Variants in EPHB2 observed in about 807,000 individuals in gnomAD.
The protein encoded by EPHB2 is ephrin type-B receptor 2.
EPHB2 carries 18 observed loss-of-function variants against 96.4 expected under a neutral mutation model. That is an observed-to-expected ratio of 0.19 (90% CI 0.13 to 0.28). EPHB2 has a LOEUF of 0.28. Ranked by LOEUF, EPHB2 falls within the 10% of genes least tolerant of loss-of-function variation. EPHB2 has a pLI of 1.00. For synonymous variants in EPHB2, 506 were observed against 534.1 expected (o/e 0.95, Z 0.72); for missense variants, 989 against 1,355.4 (o/e 0.73, Z 4.25).
chr1:22,905,899 T>C (rs112751034), intron 9 of EPHB2, 88 bp from the exon 10 acceptor site: 10 of 1,605,670 alleles, frequency 6.2e-6, no homozygotes, highest in Non-Finnish European at 8.5e-6. Flanking sequence ...GGAGTGGATT[T>C]CCCTCCACGG....
rs1023090212 is a variant in EPHB2, at chr1:22,846,037, G to A, written c.812-17000G>A. On this transcript the variant is annotated intron_variant, in intron 3 of 15. Transcript: ENST00000374630. The surrounding 1 kb of genome is among the most constrained non-coding windows in gnomAD (Gnocchi z 4.3). ...AGCCATTTGGCCCTGGGAAAGTTTG[G>A]GATCAGTTAGACCCTAAGGATCCCT... Among the ~76,000 whole-genome samples the A allele has an allele frequency of 6.6e-6, 1 of 152,132 alleles. No individual in the cohort carries two copies. The highest frequency in any genetic ancestry group is 2.4e-5 in the African/African-American group (1 of 41,418).
chr1:22,769,143 G>T (rs1644345577), intron 1 of EPHB2, among the ~76,000 whole-genome samples: 1 of 152,156 alleles, frequency 6.6e-6, no homozygotes, highest in Non-Finnish European at 1.5e-5. Flanking sequence ...TATCCATAAT[G>T]TGATATGGAC....
chr1:22,772,336 CAA>C (rs1003160575), intron 1 of EPHB2, among the ~76,000 whole-genome samples: 13 of 152,272 alleles, frequency 8.5e-5, no homozygotes, highest in African/African-American at 2.6e-4. Flanking sequence ...CCTGAGAAAA[CAA>C]GAGCAGGCTC....
intron 1 of EPHB2, among the ~76,000 whole-genome samples, chr1:22,726,907 A>G (rs558392186): frequency 1.3e-5 from 2 of 152,300 alleles, no homozygotes; most frequent in East Asian, 1.9e-4. Flanking sequence ...ATTTTGATAC[A>G]TAGTAGATGG....
At chr1:22,785,114 A>G (rs752763778) in intron 3 of EPHB2, 38 bp downstream of exon 3, 3 of 1,612,004 alleles carry the variant, frequency 1.9e-6, no homozygotes, top group Non-Finnish European at 8.5e-7. Flanking sequence ...CTGCAAATGC[A>G]TAGAACTGGT....
At chr1:22,789,862 C>T (rs1168191401) in intron 3 of EPHB2, among the ~76,000 whole-genome samples, 1 of 152,122 alleles carries the variant, frequency 6.6e-6, no homozygotes, top group Admixed American at 6.5e-5. Flanking sequence ...TATCATTGAG[C>T]TGATGGGCCT....
At chr1:22,909,574 G>A (rs1019478513) in intron 13 of EPHB2, among the ~76,000 whole-genome samples, 2 of 152,214 alleles carry the variant, frequency 1.3e-5, no homozygotes, top group Non-Finnish European at 1.5e-5. Context: ...AGGCACTGAG[G>A]CACCGGCAGC....
chr1:22,855,803 G>A (rs190100705), intron 3 of EPHB2, among the ~76,000 whole-genome samples: 10 of 152,306 alleles, frequency 6.6e-5, no homozygotes, highest in Non-Finnish European at 1.2e-4. Context: ...CCATTGTACA[G>A]ACAAGAAACT....
intron 7 of EPHB2, among the ~76,000 whole-genome samples, chr1:22,894,115 C>G (rs1232371758): frequency 1.3e-5 from 2 of 152,210 alleles, no homozygotes; most frequent in Non-Finnish European, 1.5e-5. Context: ...CTTTTTTCAC[C>G]TCTCTAAGCC....
At chr1:22,789,176 A>T (rs182434362) in intron 3 of EPHB2, among the ~76,000 whole-genome samples, 5 of 152,216 alleles carry the variant, frequency 3.3e-5, no homozygotes, top group African/African-American at 1.2e-4. Context: ...AAGAAAGGAC[A>T]CTAGCCCAGC....
At chr1:22,739,622 C>T (rs946720470) in intron 1 of EPHB2, among the ~76,000 whole-genome samples, 14 of 152,198 alleles carry the variant, frequency 9.2e-5, no homozygotes, top group Admixed American at 5.2e-4. Context: ...ACCTAGCTCA[C>T]CTGGACAGTC....
chr1:22,806,707 G>A (rs928008468), intron 3 of EPHB2, among the ~76,000 whole-genome samples: 11 of 152,360 alleles, frequency 7.2e-5, no homozygotes, highest in African/African-American at 1.2e-4. Context: ...AGCCGAGGGC[G>A]CGCCTGGGCG....
At chr1:22,885,684 G>C (rs1405923517) in intron 6 of EPHB2, among the ~76,000 whole-genome samples, 1 of 152,194 alleles carries the variant, frequency 6.6e-6, no homozygotes, top group Non-Finnish European at 1.5e-5. Flanking sequence ...CTGCCTCCCA[G>C]ATTTTTTTCC....
At chr1:22,856,828 A>C (rs747286317) in intron 3 of EPHB2, among the ~76,000 whole-genome samples, 1 of 152,346 alleles carries the variant, frequency 6.6e-6, no homozygotes, top group Admixed American at 6.5e-5. Context: ...TTGTCATTCC[A>C]TGCTGGATGA....
At chr1:22,778,182 T>C (rs966138823) in intron 1 of EPHB2, among the ~76,000 whole-genome samples, 2 of 152,166 alleles carry the variant, frequency 1.3e-5, no homozygotes, top group Non-Finnish European at 2.9e-5. Flanking sequence ...TGCATCACCA[T>C]GCCTGACTAA....
intron 3 of EPHB2, among the ~76,000 whole-genome samples, chr1:22,800,548 T>C (rs958273870): frequency 1.4e-4 from 22 of 152,178 alleles, no homozygotes; most frequent in Admixed American, 3.3e-4. Context: ...GCTCACTGGG[T>C]CATGCAGGTG....
chr1:22,777,098 C>G (rs144138713), intron 1 of EPHB2, among the ~76,000 whole-genome samples: 20 of 152,212 alleles, frequency 1.3e-4, no homozygotes, highest in African/African-American at 4.1e-4. Context: ...TGACCTGAGT[C>G]GAGACTTCAC....
rs748061214 is a variant in EPHB2, at chr1:22,906,765, C to T, written c.1944C>T (p.Ile648=). The T allele has an allele frequency of 3.1e-6, 5 of 1,614,188 alleles. No homozygotes were observed. In the South Asian group the frequency reaches 4.4e-5, roughly 14 times the overall value. The change falls in exon 11 of 16, where the codon ATC becomes ATT. Residue 648 remains isoleucine (I), a synonymous_variant. Transcript: ENST00000374630. This position sits in a 1 kb window ranked among gnomAD's most constrained non-coding sequence, Gnocchi z 4.8. ...GHLKLPGKRE[I]FVAIKTLKSG... is the part of the protein sequence containing the mutation. ...TGAAGCTGCCAGGCAAGAGAGAGAT[C>T]TTTGTGGCCATCAAGACGCTCAAGT...
chr1:22,827,154 C>T (rs1645236317), intron 3 of EPHB2, among the ~76,000 whole-genome samples: 1 of 152,232 alleles, frequency 6.6e-6, no homozygotes, highest in Non-Finnish European at 1.5e-5. Context: ...CTCATGGAAA[C>T]TCCTCACATT....
Sources: gnomAD v4.1 joint callset for allele counts (sites outside exome capture counted in the v4.1 genomes callset) on GRCh38, gnomAD v4.1.1 for gene constraint, Gnocchi (gnomAD v3.1) non-coding constraint, MANE v1.5 for transcripts, NCBI Gene and HGNC (gene_info 2026-07-23, HGNC 2026-07-21) for gene names.